EPDR1: variants seen among roughly 807,000 people sequenced by gnomAD.
The protein encoded by EPDR1 is ependymin related 1.
A neutral mutation model predicts 23.7 loss-of-function variants in EPDR1; 27 were observed. The ratio of observed to expected loss-of-function variants is 1.14; its 90% CI spans 0.84 to 1.57. EPDR1 has a LOEUF of 1.57. Among genes scored for constraint, EPDR1 ranks in the 40% most tolerant of loss-of-function variants. EPDR1 has a pLI of 0.00. For missense variants in EPDR1, 349 were observed against 290.4 expected (o/e 1.20, Z -1.47); for synonymous variants, 137 against 118.2 (o/e 1.16, Z -1.03).
chr7:37,941,293 TG>T (rs1786168796), intron 1 of EPDR1, among the ~76,000 whole-genome samples: 1 of 152,204 alleles, frequency 6.6e-6, no homozygotes. Flanking sequence ...TGACAGTTAT[TG>T]GGTAACAGGA....
intron 1 of EPDR1, among the ~76,000 whole-genome samples, chr7:37,947,749 A>G (rs1786306838): frequency 6.6e-6 from 1 of 152,192 alleles, no homozygotes; most frequent in Non-Finnish European, 1.5e-5. Context: ...AATGCATAGA[A>G]ACACAGCAGG....
chr7:37,933,269 T>C (rs1391876460), intron 1 of EPDR1, among the ~76,000 whole-genome samples: 4 of 152,228 alleles, frequency 2.6e-5, no homozygotes, highest in African/African-American at 4.8e-5. Context: ...CCAAAGTTTG[T>C]TCAATTTTTT....
intron 1 of EPDR1, among the ~76,000 whole-genome samples, chr7:37,929,879 T>C (rs1785896665): frequency 6.6e-6 from 1 of 152,192 alleles, no homozygotes; most frequent in Non-Finnish European, 1.5e-5. Context: ...AATTTCAATT[T>C]TGGGGAATTT....
At chr7:37,938,608 C>G (rs963570012) in intron 1 of EPDR1, among the ~76,000 whole-genome samples, 6 of 152,228 alleles carry the variant, frequency 3.9e-5, no homozygotes, top group African/African-American at 1.2e-4. Flanking sequence ...CTGTTCTTAT[C>G]CAGCCTGCTT....
intron 1 of EPDR1, among the ~76,000 whole-genome samples, chr7:37,944,712 C>G (rs538270674): frequency 4.5e-4 from 68 of 152,188 alleles, no homozygotes; most frequent in Non-Finnish European, 7.5e-4. Flanking sequence ...ATTACCTCCC[C>G]CCAGGTCCCT....
chr7:37,948,025 T>C (rs1240975744), intron 1 of EPDR1, among the ~76,000 whole-genome samples: 1 of 152,228 alleles, frequency 6.6e-6, no homozygotes, highest in East Asian at 1.9e-4. Flanking sequence ...CCGGATCAGC[T>C]ATGCGCATCA....
intron 1 of EPDR1, among the ~76,000 whole-genome samples, chr7:37,929,600 A>G (rs1487050860): frequency 6.6e-6 from 1 of 152,058 alleles, no homozygotes; most frequent in Non-Finnish European, 1.5e-5. Context: ...TTTTTTCCTT[A>G]TAATTAAATT....
intron 1 of EPDR1, among the ~76,000 whole-genome samples, chr7:37,935,258 T>C (rs1786025535): frequency 6.6e-6 from 1 of 152,160 alleles, no homozygotes; most frequent in African/African-American, 2.4e-5. Flanking sequence ...TGCTGGGTCT[T>C]TTAGTAAGGG....
At chr7:37,934,617 T>C (rs890940224) in intron 1 of EPDR1, among the ~76,000 whole-genome samples, 2 of 152,118 alleles carry the variant, frequency 1.3e-5, no homozygotes, top group African/African-American at 4.8e-5. Context: ...ATCCATGGAT[T>C]CCACCAACTA....
At chr7:37,931,990 G>A (rs1015861548) in intron 1 of EPDR1, among the ~76,000 whole-genome samples, 40 of 152,254 alleles carry the variant, frequency 2.6e-4, no homozygotes, top group African/African-American at 9.6e-4. Context: ...TTACACGCGT[G>A]AGCCACCGCG....
At chr7:37,946,866 T>A (rs1343721843) in intron 1 of EPDR1, among the ~76,000 whole-genome samples, 1 of 152,124 alleles carries the variant, frequency 6.6e-6, no homozygotes, top group Non-Finnish European at 1.5e-5. Flanking sequence ...AAAATATTTT[T>A]GTATAGCTGT....
At position 37,932,698 on chromosome 7, in the gene EPDR1, G is replaced by A. The variant is rs1018741874; in HGVS notation, c.269+11490G>A. The stretch of plus-strand genomic sequence containing the variant: ...CTTAGAGGACATCCCCTGCTATGTC[G>A]TTTTAGAAGCCACTGAGCACCATGG... On this transcript the variant is annotated intron_variant, in intron 1 of 2. Coordinates refer to ENST00000199448, the MANE Select transcript of EPDR1 (RefSeq NM_017549.5). Among the ~76,000 whole-genome samples the A allele has an allele frequency of 7.9e-5, 12 of 152,150 alleles. No individual in the cohort carries two copies. In the South Asian group the frequency reaches 1.4e-3, roughly 18 times the overall value.
chr7:37,947,895 G>A (rs377478733), intron 1 of EPDR1, among the ~76,000 whole-genome samples: 3 of 152,188 alleles, frequency 2.0e-5, no homozygotes, highest in Non-Finnish European at 2.9e-5. Flanking sequence ...AGGTGGTCAC[G>A]GGAGGAGGCT....
At chr7:37,928,351 T>A (rs1393189871) in intron 1 of EPDR1, among the ~76,000 whole-genome samples, 1 of 152,038 alleles carries the variant, frequency 6.6e-6, no homozygotes, top group African/African-American at 2.4e-5. Context: ...CAGTAAAAAA[T>A]TTCTATTTTC....
intron 1 of EPDR1, among the ~76,000 whole-genome samples, chr7:37,942,844 T>C (rs1786196699): frequency 6.6e-6 from 1 of 152,134 alleles, no homozygotes. Flanking sequence ...TCAGAAAACA[T>C]GGTGATTCGA....
chr7:37,946,730 T>G (rs2167267), intron 1 of EPDR1, among the ~76,000 whole-genome samples: 140,331 of 152,188 alleles, frequency 0.92, 64,910 homozygotes, highest in Admixed American at 0.94. Context: ...GGGTGATACT[T>G]ATGATCCTAA....
chr7:37,938,091 T>C (rs1786095015), intron 1 of EPDR1, among the ~76,000 whole-genome samples: 1 of 149,654 alleles, frequency 6.7e-6, no homozygotes, highest in Admixed American at 6.7e-5. Flanking sequence ...CCCGGGTTCA[T>C]GCCATTCTCT....
intron 1 of EPDR1, among the ~76,000 whole-genome samples, chr7:37,925,636 C>G (rs988164912): frequency 1.3e-5 from 2 of 152,190 alleles, no homozygotes; most frequent in Admixed American, 1.3e-4. Context: ...GATGGAGTGA[C>G]AACCATGGCT....
chr7:37,921,177 G>C lies in EPDR1; in HGVS notation c.238G>C (p.Asp80His). 1 of 1,592,474 alleles carries C rather than the reference G, an allele frequency of 6.3e-7. No homozygotes were observed. Residue 80 changes from aspartate (D) to histidine (H), a missense_variant, in exon 1 of 3, where the codon GAC becomes CAC. Physicochemically the swap from Asp to His is moderately conservative, Grantham distance 81. Transcript: ENST00000199448. ...DGLNQRVRVL[D>H]ERKALIPCKR... Reference sequence around the variant, plus strand: ...GCTCAACCAGCGCGTGCGGGTGCTGGACGAGAGGAAGGCGCTGATCCCCTG... The same window carrying C: ...GCTCAACCAGCGCGTGCGGGTGCTGCACGAGAGGAAGGCGCTGATCCCCTG...
Sources: gnomAD v4.1 joint callset for allele counts (sites outside exome capture counted in the v4.1 genomes callset) on GRCh38, gnomAD v4.1.1 for gene constraint, MANE v1.5 for transcripts, NCBI Gene and HGNC (gene_info 2026-07-23, HGNC 2026-07-21) for gene names.